Variants in DPP4 observed in about 807,000 individuals in gnomAD.
DPP4 encodes dipeptidyl peptidase 4, also known as ADCP-2.
DPP4 carries 93 observed loss-of-function variants against 122.4 expected under a neutral mutation model. The ratio of observed to expected loss-of-function variants is 0.76; its 90% CI spans 0.64 to 0.90. The LOEUF is 0.90. DPP4 is among the 40% of genes least tolerant of loss of function. The probability of loss-of-function intolerance (pLI) is 0.00; values close to 1 mark genes in which losing one functional copy is unlikely to be tolerated. For synonymous variants in DPP4, 321 were observed against 302.9 expected, an observed-to-expected ratio of 1.06 and a Z score of -0.62; for missense variants, 914 against 907.3, an observed-to-expected ratio of 1.01 and a Z score of -0.09.
At chr2:162,065,379 A>G (rs1445198497) in intron 2 of DPP4, among the ~76,000 whole-genome samples, 1 of 152,228 alleles carries the variant, frequency 6.6e-6, no homozygotes, top group Non-Finnish European at 1.5e-5. Flanking sequence ...GGAGATCAAA[A>G]GACAAAACTC....
At chr2:162,063,297 AT>A (rs1420158018) in intron 2 of DPP4, among the ~76,000 whole-genome samples, 3 of 152,224 alleles carry the variant, frequency 2.0e-5, no homozygotes, top group African/African-American at 7.2e-5. Flanking sequence ...CCAAATGGAG[AT>A]GTCCAGTAAG....
intron 2 of DPP4, among the ~76,000 whole-genome samples, chr2:162,055,871 C>T (rs1684555822): frequency 6.6e-6 from 1 of 152,206 alleles, no homozygotes; most frequent in African/African-American, 2.4e-5. Flanking sequence ...AATAAAACAT[C>T]TTAATGGGGT....
chr2:162,046,808 G>T (rs766018724), intron 4 of DPP4, 107 bp downstream of exon 4: 6 of 780,152 alleles, frequency 7.7e-6, no homozygotes, highest in Non-Finnish European at 1.4e-5. Context: ...GCCATATGCT[G>T]CAGAAAGAGT....
intron 2 of DPP4, among the ~76,000 whole-genome samples, chr2:162,055,434 T>C (rs1001852429): frequency 1.3e-5 from 2 of 152,134 alleles, no homozygotes; most frequent in African/African-American, 4.8e-5. Flanking sequence ...CAGTGACTCA[T>C]GCCTGTAATC....
In DPP4 at chr2:162,074,081, T is replaced by C; in HGVS notation, c.-100A>G. The C allele has an allele frequency of 6.6e-7, 1 of 1,510,606 alleles. No homozygotes were observed. Among genetic ancestry groups the C allele is most frequent in the Non-Finnish European group, 8.8e-7 (1 of 1,130,158 alleles). 93.6% of individuals were successfully genotyped at this position (1,510,606 alleles called of 1,614,324 possible). ...CGTCCTGCACCGCTGCTCCGGGCGG[T>C]GGAGTCACTCGCCGCTGGCAAGTTT... On this transcript the variant is annotated 5_prime_UTR_variant, in exon 1 of 26. Transcript: ENST00000360534.
At chr2:162,007,558 G>A (rs1701314425) in intron 22 of DPP4, among the ~76,000 whole-genome samples, 1 of 151,984 alleles carries the variant, frequency 6.6e-6, no homozygotes, top group South Asian at 2.1e-4. Context: ...CTATGTATTA[G>A]ATTGGTCTAT....
intron 10 of DPP4, among the ~76,000 whole-genome samples, chr2:162,026,566 G>A (rs1683335289): frequency 6.6e-6 from 1 of 152,084 alleles, no homozygotes; most frequent in Admixed American, 6.5e-5. Flanking sequence ...TGGCCTAAAT[G>A]TCCCCTCATC....
chr2:162,005,118 T>G (rs888946166), intron 23 of DPP4, among the ~76,000 whole-genome samples: 1 of 152,314 alleles, frequency 6.6e-6, no homozygotes, highest in East Asian at 1.9e-4. Context: ...CACTAGCACA[T>G]GGGGGCTGTC....
chr2:162,071,736 G>C (rs964210024), intron 2 of DPP4, among the ~76,000 whole-genome samples: 4 of 152,156 alleles, frequency 2.6e-5, no homozygotes, highest in African/African-American at 9.7e-5. Flanking sequence ...AATTTCATTT[G>C]GAGAAGATAC....
At chr2:162,002,566 C>G (rs1701177932) in intron 23 of DPP4, among the ~76,000 whole-genome samples, 1 of 152,098 alleles carries the variant, frequency 6.6e-6, no homozygotes, top group East Asian at 1.9e-4. Context: ...ATATTTCCTT[C>G]TGATCCACTG....
intron 4 of DPP4, among the ~76,000 whole-genome samples, chr2:162,046,247 T>C (rs1476869821): frequency 1.3e-5 from 2 of 151,970 alleles, no homozygotes; most frequent in Non-Finnish European, 2.9e-5. Context: ...TACCACAAGA[T>C]TAAATGAGGG....
rs111468751 is a variant in DPP4 at position 162,074,074 on chromosome 2, C to T, written c.-93G>A. 8.2e-5 allele frequency: 125 copies of T among 1,522,028 alleles called. 6 individuals are homozygous for T. In the African/African-American group the frequency reaches 1.0e-3, roughly 12 times the overall value. 94.3% of individuals were successfully genotyped at this position (1,522,028 alleles called of 1,614,324 possible). On this transcript the variant is annotated 5_prime_UTR_variant, in exon 1 of 26. Transcript: ENST00000360534. ...AGACGCGCGTCCTGCACCGCTGCTC[C>T]GGGCGGTGGAGTCACTCGCCGCTGG...
chr2:161,993,248 T>G lies in DPP4; in HGVS notation c.*35A>C. 1 of 1,526,690 alleles carries G rather than the reference T, an allele frequency of 6.6e-7. No individual in the cohort carries two copies. The highest frequency in any genetic ancestry group is 9.1e-7 in the Non-Finnish European group (1 of 1,101,394). The allele number at this position is 1,526,690 out of a possible 1,614,324, so 94.6% of individuals were successfully genotyped here. A position where few individuals can be genotyped will look rare whatever the true frequency, so the allele number is the denominator to read the frequency against. On this transcript the variant is annotated 3_prime_UTR_variant, in exon 26 of 26. Transcript: ENST00000360534. ...GAGATAATGAAAACAAAAATGAGTT[T>G]TAATAAGCTTTAAATGGCATGGTAT... is the stretch of plus-strand genomic sequence containing the variant.
In DPP4 at chr2:161,993,358, T is replaced by C. The variant is rs1161779660; in HGVS notation, c.2226A>G (p.Ile742Met). 1 of 1,613,454 alleles carries C rather than the reference T, an allele frequency of 6.2e-7. No homozygotes were observed. Residue 742 changes from isoleucine (I) to methionine (M), a missense_variant, in exon 26 of 26, where the codon ATA (isoleucine) becomes ATG (methionine). Transcript: ENST00000360534. Reference protein sequence around the residue: ...AMWYTDEDHGIASSTAHQHIY... With the variant: ...AMWYTDEDHGMASSTAHQHIY... ...TATGTTGGTGTGCTGTGCTGCTAGCTATTCCATGGTCTTCATCAGTATACC... is the reference window on the plus strand; with the variant it reads ...TATGTTGGTGTGCTGTGCTGCTAGCCATTCCATGGTCTTCATCAGTATACC...
At chr2:162,030,158 T>C (rs1198587751) in intron 10 of DPP4, among the ~76,000 whole-genome samples, 3 of 152,236 alleles carry the variant, frequency 2.0e-5, no homozygotes, top group African/African-American at 7.2e-5. Flanking sequence ...TTACATTATG[T>C]GCTGTTTTCC....
intron 2 of DPP4, among the ~76,000 whole-genome samples, chr2:162,066,626 T>A (rs1478911127): frequency 6.6e-6 from 1 of 152,222 alleles, no homozygotes; most frequent in Non-Finnish European, 1.5e-5. Context: ...TCTTAGCTCA[T>A]TTTGTATTGC....
chr2:162,020,178 G>A, intron 14 of DPP4, 51 bp downstream of exon 14: 1 of 1,478,976 alleles, frequency 6.8e-7, no homozygotes, highest in Non-Finnish European at 9.3e-7. Flanking sequence ...GGCAAAGAGG[G>A]CATGATTATG....
intron 11 of DPP4, among the ~76,000 whole-genome samples, chr2:162,023,506 C>T (rs1683212090): frequency 6.6e-6 from 1 of 152,192 alleles, no homozygotes; most frequent in Admixed American, 6.5e-5. Flanking sequence ...CCTGCATGTT[C>T]CAAGCTATTC....
chr2:162,016,968 C>A, intron 17 of DPP4, 102 bp from the exon 18 acceptor site: 1 of 1,405,274 alleles, frequency 7.1e-7, no homozygotes, highest in Non-Finnish European at 9.8e-7. Flanking sequence ...TCGGACTACA[C>A]ATACTTCAGG....
Sources: gnomAD v4.1 joint callset for allele counts (sites outside exome capture counted in the v4.1 genomes callset) on GRCh38, gnomAD v4.1.1 for gene constraint, MANE v1.5 for transcripts, NCBI Gene and HGNC (gene_info 2026-07-23, HGNC 2026-07-21) for gene names.